The following CLSTN2 variants were observed in gnomAD, a reference collection of about 807,000 sequenced individuals.
The protein encoded by CLSTN2 is calsyntenin-2.
In CLSTN2, 48 loss-of-function variants were observed where a neutral mutation model predicts 101.2. The ratio of observed to expected loss-of-function variants is 0.47; its 90% CI spans 0.38 to 0.60. CLSTN2 has a LOEUF of 0.60. Among genes scored for constraint, CLSTN2 ranks in the 20% least tolerant of loss-of-function variants. The pLI is 0.00. For missense variants in CLSTN2, 1,160 were observed against 1,238.2 expected, an observed-to-expected ratio of 0.94 and a Z score of 0.95; for synonymous variants, 481 against 463.6, an observed-to-expected ratio of 1.04 and a Z score of -0.48.
At chr3:140,269,215 C>T (rs1300048837) in intron 2 of CLSTN2, among the ~76,000 whole-genome samples, 1 of 152,130 alleles carries the variant, frequency 6.6e-6, no homozygotes, top group African/African-American at 2.4e-5. Context: ...TTGGGTGGTA[C>T]CTTGCTCAGT....
intron 2 of CLSTN2, among the ~76,000 whole-genome samples, chr3:140,208,773 G>A (rs762611769): frequency 6.6e-6 from 1 of 152,010 alleles, no homozygotes; most frequent in Non-Finnish European, 1.5e-5. Context: ...GTTATTTGTT[G>A]TTTTTAATGC....
At chr3:140,433,835 C>T (rs2088661377) in intron 5 of CLSTN2, among the ~76,000 whole-genome samples, 1 of 152,162 alleles carries the variant, frequency 6.6e-6, no homozygotes, top group African/African-American at 2.4e-5. Context: ...GGAGTCTGGC[C>T]AGCCTGTCAG....
At chr3:140,232,758 C>G (rs1186342526) in intron 2 of CLSTN2, among the ~76,000 whole-genome samples, 1 of 152,172 alleles carries the variant, frequency 6.6e-6, no homozygotes, top group Non-Finnish European at 1.5e-5. Context: ...AGTTACTCAG[C>G]CAGAAACTTG....
At chr3:139,936,353 G>A (rs1050886090) in intron 1 of CLSTN2, among the ~76,000 whole-genome samples, 3 of 152,168 alleles carry the variant, frequency 2.0e-5, no homozygotes, top group Non-Finnish European at 4.4e-5. Flanking sequence ...GAAGAGCAGA[G>A]CTGGTGGGGA....
intron 2 of CLSTN2, among the ~76,000 whole-genome samples, chr3:140,265,541 A>G (rs72990151): frequency 0.036 from 5,529 of 152,298 alleles, 310 homozygotes; most frequent in African/African-American, 0.12. Context: ...GTCAAAAAAG[A>G]TAATCACTCT....
chr3:140,101,585 T>C (rs1056491299), intron 1 of CLSTN2, among the ~76,000 whole-genome samples: 4 of 152,230 alleles, frequency 2.6e-5, no homozygotes, highest in Admixed American at 1.3e-4. Flanking sequence ...CTCTGTATAC[T>C]AGTCAGAATA....
intron 1 of CLSTN2, among the ~76,000 whole-genome samples, chr3:140,173,520 G>A (rs1032486554): frequency 1.6e-4 from 24 of 152,298 alleles, no homozygotes; most frequent in Non-Finnish European, 2.5e-4. Flanking sequence ...TCCACTAGGC[G>A]ATTCCCCAGT....
At chr3:140,221,207 C>G (rs1328923586) in intron 2 of CLSTN2, among the ~76,000 whole-genome samples, 2 of 152,156 alleles carry the variant, frequency 1.3e-5, no homozygotes, top group African/African-American at 4.8e-5. Flanking sequence ...AATCTTTTAT[C>G]CAAATTTCAT....
intron 1 of CLSTN2, among the ~76,000 whole-genome samples, chr3:139,980,126 T>C (rs965351776): frequency 6.6e-6 from 1 of 152,060 alleles, no homozygotes; most frequent in Non-Finnish European, 1.5e-5. Flanking sequence ...CTCCTGATAG[T>C]CTCTTTGTTC....
intron 2 of CLSTN2, among the ~76,000 whole-genome samples, chr3:140,324,219 C>A (rs373241135): frequency 6.6e-5 from 10 of 152,308 alleles, no homozygotes; most frequent in African/African-American, 2.4e-4. Flanking sequence ...AATTGTCATG[C>A]TTAGCAATCT....
intron 1 of CLSTN2, among the ~76,000 whole-genome samples, chr3:140,064,070 C>T (rs2008257717): frequency 6.6e-6 from 1 of 152,192 alleles, no homozygotes; most frequent in Admixed American, 6.5e-5. Flanking sequence ...GCCCGGTGAG[C>T]AAGCGTGAAC....
intron 2 of CLSTN2, among the ~76,000 whole-genome samples, chr3:140,327,268 C>G (rs1350349498): frequency 1.3e-5 from 2 of 152,216 alleles, no homozygotes; most frequent in Non-Finnish European, 2.9e-5. Flanking sequence ...TGCACTAAAG[C>G]AACAAATGCT....
intron 8 of CLSTN2, among the ~76,000 whole-genome samples, chr3:140,487,049 G>A (rs926910750): frequency 5.9e-5 from 9 of 152,164 alleles, no homozygotes; most frequent in African/African-American, 2.2e-4. Context: ...AAGGCCCCAA[G>A]GAGTCGAGAG....
intron 1 of CLSTN2, among the ~76,000 whole-genome samples, chr3:140,010,149 C>T (rs2007042467): frequency 6.6e-6 from 1 of 152,082 alleles, no homozygotes. Flanking sequence ...GGTATTTGGC[C>T]CGTAAATATT....
At chr3:140,456,219 G>A (rs1483389680) in intron 6 of CLSTN2, among the ~76,000 whole-genome samples, 1 of 152,184 alleles carries the variant, frequency 6.6e-6, no homozygotes, top group Admixed American at 6.5e-5. Flanking sequence ...AAAATGAGCA[G>A]AAGGTTACAA....
intron 3 of CLSTN2, 50 bp from the exon 4 acceptor site, chr3:140,404,508 G>GTGT: frequency 6.4e-7 from 1 of 1,562,126 alleles, no homozygotes; most frequent in Non-Finnish European, 8.8e-7. Flanking sequence ...CAGGAGGTTG[G>GTGT]TGTGACTCTT....
At chr3:140,511,007 C>G (rs1272740368) in intron 8 of CLSTN2, among the ~76,000 whole-genome samples, 1 of 152,156 alleles carries the variant, frequency 6.6e-6, no homozygotes, top group East Asian at 1.9e-4. Flanking sequence ...GCTCTCCCTC[C>G]CCTTACTCTA....
chr3:139,937,622 T>C (rs919348007), intron 1 of CLSTN2, among the ~76,000 whole-genome samples: 5 of 150,246 alleles, frequency 3.3e-5, no homozygotes, highest in Non-Finnish European at 7.4e-5. Context: ...CACGCACCTG[T>C]AATCCCAGCT....
chr3:140,387,272 T>C (rs2088063922), intron 2 of CLSTN2, among the ~76,000 whole-genome samples: 1 of 151,982 alleles, frequency 6.6e-6, no homozygotes, highest in Non-Finnish European at 1.5e-5. Flanking sequence ...TTAGAAGAGA[T>C]TGTGTTTATG....
Sources: gnomAD v4.1 joint callset for allele counts (sites outside exome capture counted in the v4.1 genomes callset) on GRCh38, gnomAD v4.1.1 for gene constraint, MANE v1.5 for transcripts, NCBI Gene and HGNC (gene_info 2026-07-23, HGNC 2026-07-21) for gene names.